CMSS1: variants seen among roughly 807,000 people sequenced by gnomAD.
CMSS1 encodes cms1 ribosomal small subunit homolog, also known as protein CMSS1.
In CMSS1, 33 loss-of-function variants were observed where a neutral mutation model predicts 43.5. The ratio of observed to expected loss-of-function variants is 0.76; its 90% confidence interval spans 0.57 to 1.01. The LOEUF (loss-of-function observed/expected upper bound fraction) is 1.01. Ranked by LOEUF, CMSS1 falls within the 50% of genes least tolerant of loss-of-function variation. CMSS1 has a pLI of 0.00. For missense variants in CMSS1, 313 were observed against 326.4 expected (o/e 0.96, Z 0.32); for synonymous variants, 115 against 117.2 (o/e 0.98, Z 0.12).
At chr3:100,064,118 G>T (rs2065621001) in intron 1 of CMSS1, among the ~76,000 whole-genome samples, 1 of 152,212 alleles carries the variant, frequency 6.6e-6, no homozygotes, top group South Asian at 2.1e-4. Flanking sequence ...GAAGAATGGA[G>T]ATTTTGAAAG....
Position 100,167,763 on chromosome 3 carries a change from G to A in CMSS1, c.441G>A (p.Arg147=). The change falls in exon 6 of 10, where the codon AGG becomes AGA. Residue 147 remains arginine (R), a synonymous_variant. Coordinates refer to ENST00000421999, the MANE Select transcript of CMSS1 (RefSeq NM_032359.4). Reference sequence around the variant, plus strand: ...TTTGTCCTAAGTGGGTAAAACTTAGGAAGAACCACAGTGAGAAGAAATCGG... The same window carrying A: ...TTTGTCCTAAGTGGGTAAAACTTAGAAAGAACCACAGTGAGAAGAAATCGG... ...KEICPKWVKL[R]KNHSEKKSVL... The A allele has an allele frequency of 3.1e-6, 5 of 1,612,820 alleles. No individual in the cohort carries two copies. Among genetic ancestry groups the A allele is most frequent in the Non-Finnish European group, 3.4e-6 (4 of 1,179,552 alleles).
At chr3:100,123,088 A>G (rs2066634812) in intron 1 of CMSS1, among the ~76,000 whole-genome samples, 3 of 152,352 alleles carry the variant, frequency 2.0e-5, no homozygotes, top group Middle Eastern at 6.8e-3. Flanking sequence ...AATAAAAACA[A>G]GGTAACAAAT....
intron 1 of CMSS1, among the ~76,000 whole-genome samples, chr3:99,984,652 A>G (rs1383045353): frequency 6.6e-6 from 1 of 152,180 alleles, no homozygotes; most frequent in Non-Finnish European, 1.5e-5. Flanking sequence ...TGCCAAATCT[A>G]CCAAGCCTCC....
At chr3:100,130,836 G>C (rs896016219) in intron 1 of CMSS1, among the ~76,000 whole-genome samples, 2 of 152,210 alleles carry the variant, frequency 1.3e-5, no homozygotes, top group South Asian at 2.1e-4. Flanking sequence ...CATCAAGAAA[G>C]TGTATGGTTG....
At chr3:100,023,492 G>A (rs1267479174) in intron 1 of CMSS1, 8 of 152,672 alleles carry the variant, frequency 5.2e-5, no homozygotes, top group Middle Eastern at 3.4e-3. Flanking sequence ...GAAATGCTCC[G>A]AGTCTATAAT....
chr3:99,958,038 A>T (rs917167923), intron 1 of CMSS1, among the ~76,000 whole-genome samples: 1 of 148,954 alleles, frequency 6.7e-6, no homozygotes, highest in Non-Finnish European at 1.5e-5. Context: ...TAAAGGCTCA[A>T]TGGGCTCAGA....
At chr3:99,965,282 A>G (rs897690968) in intron 1 of CMSS1, among the ~76,000 whole-genome samples, 2 of 152,084 alleles carry the variant, frequency 1.3e-5, no homozygotes, top group South Asian at 2.1e-4. Flanking sequence ...TGTTCTTTGT[A>G]TATGTGGGAG....
intron 1 of CMSS1, among the ~76,000 whole-genome samples, chr3:99,957,338 T>G (rs1708348752): frequency 6.6e-6 from 1 of 152,122 alleles, no homozygotes; most frequent in African/African-American, 2.4e-5. Context: ...AGAAAGTATT[T>G]AGTTGAAGAA....
At chr3:100,153,180 A>G (rs1421925310) in intron 2 of CMSS1, among the ~76,000 whole-genome samples, 1 of 152,240 alleles carries the variant, frequency 6.6e-6, no homozygotes, top group Non-Finnish European at 1.5e-5. Flanking sequence ...GAATCCTTTC[A>G]TGCCACCTGG....
At chr3:100,170,770 C>A (rs2067103620) in intron 6 of CMSS1, among the ~76,000 whole-genome samples, 1 of 152,182 alleles carries the variant, frequency 6.6e-6, no homozygotes, top group Non-Finnish European at 1.5e-5. Context: ...GCCCTCAGAG[C>A]TGGTGGTCTG....
intron 1 of CMSS1, among the ~76,000 whole-genome samples, chr3:99,879,227 G>A (rs1385077226): frequency 1.3e-5 from 2 of 152,068 alleles, no homozygotes; most frequent in South Asian, 2.1e-4. Flanking sequence ...TTTCTAATGC[G>A]GGAGAAGGGG....
At chr3:99,960,987 A>G (rs377441677) in intron 1 of CMSS1, among the ~76,000 whole-genome samples, 3 of 152,306 alleles carry the variant, frequency 2.0e-5, no homozygotes, top group South Asian at 4.1e-4. Context: ...GGGTGTGTGC[A>G]TGCGTGTGTG....
intron 1 of CMSS1, among the ~76,000 whole-genome samples, chr3:99,888,094 G>T (rs1380326574): frequency 6.6e-6 from 1 of 152,208 alleles, no homozygotes; most frequent in Admixed American, 6.5e-5. Context: ...GACAATTGGT[G>T]ATGTGGAGCA....
rs1273023605 is a variant in CMSS1 at position 99,849,165 on chromosome 3, G to A, written c.64+31122G>A. ...ACAGCACAGATCCCTCATCATTAGG[G>A]TCCTCGTCTTGATTCTCACTCTCCT... On this transcript the variant is annotated intron_variant, in intron 1 of 9. Transcript: ENST00000421999. 2.5e-6 allele frequency: 4 copies of A among 1,614,022 alleles called. No homozygotes were observed. In the Admixed American group the frequency reaches 5.0e-5, roughly 20 times the overall value.
chr3:100,061,773 G>A (rs2065570820), intron 1 of CMSS1, among the ~76,000 whole-genome samples: 1 of 152,196 alleles, frequency 6.6e-6, no homozygotes, highest in Non-Finnish European at 1.5e-5. Context: ...AGAAGGTAAT[G>A]CAATACCCAA....
At chr3:99,985,493 G>A (rs926496585) in intron 1 of CMSS1, among the ~76,000 whole-genome samples, 1 of 151,998 alleles carries the variant, frequency 6.6e-6, no homozygotes, top group Non-Finnish European at 1.5e-5. Context: ...GCAAGACCCT[G>A]TCTCAAAAAA....
chr3:99,974,402 A>G (rs1486457396), intron 1 of CMSS1, among the ~76,000 whole-genome samples: 2 of 152,176 alleles, frequency 1.3e-5, no homozygotes, highest in East Asian at 3.8e-4. Context: ...AAAACTTAGA[A>G]AGCAGGAATA....
At chr3:100,035,083 G>C (rs2065084430) in intron 1 of CMSS1, among the ~76,000 whole-genome samples, 1 of 152,040 alleles carries the variant, frequency 6.6e-6, no homozygotes, top group South Asian at 2.1e-4. Flanking sequence ...GGGTTGATCT[G>C]TTATCATAAA....
chr3:99,938,411 A>C (rs1262719076), intron 1 of CMSS1, among the ~76,000 whole-genome samples: 1 of 152,214 alleles, frequency 6.6e-6, no homozygotes, highest in Non-Finnish European at 1.5e-5. Flanking sequence ...TGGCAAGAAG[A>C]CTGCATAACA....
Sources: allele counts gnomAD v4.1 joint callset (sites outside exome capture counted in the v4.1 genomes callset), GRCh38; gene constraint gnomAD v4.1.1; transcripts MANE v1.5; gene names NCBI Gene and HGNC (gene_info 2026-07-23, HGNC 2026-07-21).